Variants in CSMD3 observed in about 807,000 individuals in gnomAD.
The protein encoded by CSMD3 is CUB and sushi domain-containing protein 3.
CSMD3 carries 177 observed loss-of-function variants against 435.2 expected under a neutral mutation model. The ratio of observed to expected loss-of-function variants is 0.41; its 90% CI spans 0.36 to 0.46. The LOEUF is 0.46. Ranked by LOEUF, CSMD3 falls within the 20% of genes least tolerant of loss-of-function variation. CSMD3 has a pLI of 0.34. For missense variants in CSMD3, 4,265 were observed against 4,504.6 expected, an observed-to-expected ratio of 0.95 and a Z score of 1.52; for synonymous variants, 1,656 against 1,520.5, an observed-to-expected ratio of 1.09 and a Z score of -2.07.
intron 1 of CSMD3, among the ~76,000 whole-genome samples, chr8:113,404,099 C>T (rs901957346): frequency 2.0e-5 from 3 of 151,356 alleles, no homozygotes; most frequent in South Asian, 2.1e-4. Flanking sequence ...GCATATAGCA[C>T]ATTTCTTCTG....
intron 10 of CSMD3, among the ~76,000 whole-genome samples, chr8:112,884,219 C>A (rs148221508): frequency 6.6e-6 from 1 of 151,818 alleles, no homozygotes; most frequent in African/African-American, 2.4e-5. Flanking sequence ...AGACCTTATT[C>A]TCAGAGCAAA....
intron 21 of CSMD3, among the ~76,000 whole-genome samples, chr8:112,637,216 G>A (rs1336961114): frequency 6.6e-6 from 1 of 151,766 alleles, no homozygotes; most frequent in African/African-American, 2.4e-5. Context: ...TTGTATTTGT[G>A]GTATTCAATA....
chr8:113,249,661 A>G (rs1291612925), intron 3 of CSMD3, among the ~76,000 whole-genome samples: 2 of 152,060 alleles, frequency 1.3e-5, no homozygotes, highest in African/African-American at 4.8e-5. Context: ...TGGACAGAGC[A>G]TAAAAAGAAA....
At position 112,244,588 on chromosome 8, in the gene CSMD3, G is replaced by A. The variant is rs1490349196; in HGVS notation, c.10223-15C>T. ...ACAGCTGTGGGCTATATTAAGAAAA[G>A]AGAACAATGTAAATTTTCTATAGAT... On this transcript the variant is annotated splice_polypyrimidine_tract_variant and intron_variant, in intron 64 of 70. Coordinates refer to ENST00000297405, the MANE Select transcript of CSMD3 (RefSeq NM_198123.2). 1 of 1,611,290 alleles carries A rather than the reference G, an allele frequency of 6.2e-7. No individual in the cohort carries two copies. Among genetic ancestry groups the A allele is most frequent in the Non-Finnish European group, 8.5e-7 (1 of 1,177,696 alleles).
At chr8:113,341,537 C>T (rs1196629701) in intron 1 of CSMD3, among the ~76,000 whole-genome samples, 1 of 151,936 alleles carries the variant, frequency 6.6e-6, no homozygotes, top group African/African-American at 2.4e-5. Flanking sequence ...TAGTTAAGTT[C>T]TAGAATCTAA....
chr8:112,768,348 T>C (rs2078032198), intron 13 of CSMD3, among the ~76,000 whole-genome samples: 1 of 151,860 alleles, frequency 6.6e-6, no homozygotes, highest in Non-Finnish European at 1.5e-5. Context: ...ATGAGGGCTA[T>C]GTTGCTTTCA....
intron 12 of CSMD3, among the ~76,000 whole-genome samples, chr8:112,820,713 C>A (rs1387332463): frequency 1.3e-5 from 2 of 150,800 alleles, no homozygotes; most frequent in African/African-American, 4.9e-5. Flanking sequence ...CGTAGGTATA[C>A]ACGTGCCATG....
chr8:112,364,704 T>C (rs751398914), intron 38 of CSMD3, among the ~76,000 whole-genome samples: 7 of 152,056 alleles, frequency 4.6e-5, no homozygotes, highest in Non-Finnish European at 1.0e-4. Flanking sequence ...CAAGTTCTCT[T>C]AGTGGAAGCC....
At chr8:113,085,178 T>A (rs2089714575) in intron 5 of CSMD3, among the ~76,000 whole-genome samples, 1 of 151,738 alleles carries the variant, frequency 6.6e-6, no homozygotes, top group Non-Finnish European at 1.5e-5. Flanking sequence ...GAAAATATTT[T>A]AAAACTATTT....
chr8:112,939,233 T>C (rs2083376129), intron 9 of CSMD3, among the ~76,000 whole-genome samples: 1 of 152,098 alleles, frequency 6.6e-6, no homozygotes, highest in East Asian at 1.9e-4. Context: ...AACTGAAGAT[T>C]ACTAATGAAT....
chr8:113,185,070 T>C (rs2092478826), intron 3 of CSMD3, among the ~76,000 whole-genome samples: 1 of 152,034 alleles, frequency 6.6e-6, no homozygotes, highest in African/African-American at 2.4e-5. Flanking sequence ...ACTTAGGGTA[T>C]GGTTACATAG....
intron 5 of CSMD3, among the ~76,000 whole-genome samples, chr8:113,059,532 A>T (rs931364719): frequency 2.6e-5 from 4 of 152,210 alleles, no homozygotes; most frequent in African/African-American, 9.6e-5. Context: ...TAATATTTTC[A>T]CAAACTACTT....
intron 13 of CSMD3, among the ~76,000 whole-genome samples, chr8:112,706,511 A>T (rs903055408): frequency 3.3e-5 from 5 of 152,070 alleles, no homozygotes; most frequent in African/African-American, 9.7e-5. Context: ...ATTGGGGGTG[A>T]TGTAGAGGTA....
At chr8:113,435,494 C>T (rs1048719357) in intron 1 of CSMD3, among the ~76,000 whole-genome samples, 14 of 152,114 alleles carry the variant, frequency 9.2e-5, no homozygotes, top group Non-Finnish European at 1.5e-5. Flanking sequence ...TAAACTGTTT[C>T]ATAGAGACGC....
At chr8:113,064,887 T>C (rs752615453) in intron 5 of CSMD3, among the ~76,000 whole-genome samples, 4 of 152,188 alleles carry the variant, frequency 2.6e-5, no homozygotes, top group Non-Finnish European at 4.4e-5. Flanking sequence ...CTCCATTATA[T>C]TGACAAAAGA....
At chr8:112,562,119 A>T (rs1305197430) in intron 24 of CSMD3, among the ~76,000 whole-genome samples, 1 of 151,626 alleles carries the variant, frequency 6.6e-6, no homozygotes, top group Non-Finnish European at 1.5e-5. Flanking sequence ...GATTCAACCA[A>T]AATCTCCTAA....
rs372635509 is a variant in CSMD3, at chr8:112,406,697, C to T, written c.5636G>A (p.Ser1879Asn). ...TCCGAATCTTGGTTCAGGCACAGAACTGCATTGTGTAGAACTTGTTCTAGG... is the reference window on the plus strand; with the variant it reads ...TCCGAATCTTGGTTCAGGCACAGAATTGCATTGTGTAGAACTTGTTCTAGG... ...AVPRTSSTQC[S>N]SVPEPRFGRR... The change falls in exon 35 of 71, where the codon AGT (serine) becomes AAT (asparagine). Residue 1879 changes from serine to asparagine, a missense_variant. Ser to Asn is a conservative substitution (Grantham distance 46). This residue lies in a region of CSMD3 where 3,255 missense variants were observed against 3,380.2 expected (regional missense o/e 0.96). Coordinates refer to ENST00000297405, the MANE Select transcript of CSMD3 (RefSeq NM_198123.2). The T allele has an allele frequency of 6.8e-5, 109 of 1,610,146 alleles. No individual in the cohort carries two copies. The highest frequency in any genetic ancestry group is 1.6e-4 in the Middle Eastern group (1 of 6,066).
chr8:112,637,692 A>G (rs2074701111), intron 21 of CSMD3, among the ~76,000 whole-genome samples: 1 of 152,110 alleles, frequency 6.6e-6, no homozygotes, highest in East Asian at 1.9e-4. Flanking sequence ...AGCTTATCTA[A>G]AAATATTCCC....
intron 57 of CSMD3, among the ~76,000 whole-genome samples, chr8:112,287,631 GTTTCC>G (rs2130641403): frequency 6.6e-6 from 1 of 152,114 alleles, no homozygotes; most frequent in African/African-American, 2.4e-5. Flanking sequence ...CAATTTGCAT[GTTTCC>G]TTTTCTGAAT....
Sources: gnomAD v4.1 joint callset for allele counts (sites outside exome capture counted in the v4.1 genomes callset) on GRCh38, gnomAD v4.1.1 for gene constraint, gnomAD v4.1.1 regional missense constraint, MANE v1.5 for transcripts, NCBI Gene and HGNC (gene_info 2026-07-23, HGNC 2026-07-21) for gene names.